COLQ: variants seen among roughly 807,000 people sequenced by gnomAD.
The protein encoded by COLQ is acetylcholinesterase collagenic tail peptide.
COLQ carries 48 observed loss-of-function variants against 69.0 expected under a neutral mutation model. The observed-to-expected ratio is 0.70, with a 90% CI of 0.55 to 0.88. COLQ has a LOEUF of 0.88. COLQ is among the 40% of genes least tolerant of loss of function. The pLI is 0.00. For missense variants in COLQ, 618 were observed against 594.6 expected, an observed-to-expected ratio of 1.04 and a Z score of -0.41; for synonymous variants, 217 against 211.2, an observed-to-expected ratio of 1.03 and a Z score of -0.24.
At chr3:15,468,199 T>C (rs1407053306) in intron 11 of COLQ, among the ~76,000 whole-genome samples, 3 of 152,168 alleles carry the variant, frequency 2.0e-5, no homozygotes, top group Non-Finnish European at 4.4e-5. Context: ...TCGCTCAGAA[T>C]GAGCCACGTC....
intron 1 of COLQ, chr3:15,498,899 C>T (rs2062791728): frequency 7.6e-7 from 1 of 1,315,756 alleles, no homozygotes; most frequent in African/African-American, 1.5e-5. Context: ...GGATACTTAT[C>T]CCCCTGCAAG....
In COLQ at chr3:15,498,524, C is replaced by A; in HGVS notation, c.107-8887G>T. On this transcript the variant is annotated intron_variant, in intron 1 of 16. Coordinates refer to ENST00000383788, the MANE Select transcript of COLQ (RefSeq NM_005677.4). ...ACACACAACTCACCCAAGCAGCCTGCCGAGTAACAGAGCAGTCCTGAAATG... is the reference window on the plus strand; with the variant it reads ...ACACACAACTCACCCAAGCAGCCTGACGAGTAACAGAGCAGTCCTGAAATG... 3 of 1,551,750 alleles carry A rather than the reference C, an allele frequency of 1.9e-6. No homozygotes were observed. In the South Asian group the frequency reaches 3.6e-5, roughly 18 times the overall value.
At chr3:15,471,431 T>C (rs984694117) in intron 10 of COLQ, among the ~76,000 whole-genome samples, 1 of 152,228 alleles carries the variant, frequency 6.6e-6, no homozygotes, top group African/African-American at 2.4e-5. Context: ...CATTTTCTTC[T>C]ACATGGATTC....
chr3:15,472,214 G>C (rs2062300305), intron 10 of COLQ, among the ~76,000 whole-genome samples: 1 of 152,164 alleles, frequency 6.6e-6, no homozygotes, highest in South Asian at 2.1e-4. Context: ...ATTATTCTTT[G>C]ACGTTCACTG....
In COLQ at chr3:15,473,857, T is replaced by G; in HGVS notation, c.636+143A>C. On this transcript the variant is annotated intron_variant, in intron 10 of 16. Transcript: ENST00000383788. This position sits in a 1 kb window ranked among gnomAD's most constrained non-coding sequence, Gnocchi z 4.0. Reference sequence around the variant, plus strand: ...CCTCTCCCCAGGGTGAAAAGCAACTTGCTTCCCGTCCCAAAATAGAAGTTT... The same window carrying G: ...CCTCTCCCCAGGGTGAAAAGCAACTGGCTTCCCGTCCCAAAATAGAAGTTT... The G allele has an allele frequency of 1.1e-6, 1 of 926,660 alleles. No individual in the cohort carries two copies. The highest frequency in any genetic ancestry group is 1.4e-5 in the South Asian group (1 of 70,116). The allele number at this position is 926,660 out of a possible 1,614,324, so 57.4% of individuals were successfully genotyped here. A position where few individuals can be genotyped will look rare whatever the true frequency, so the allele number is the denominator to read the frequency against.
At chr3:15,468,200 G>A (rs2062228966) in intron 11 of COLQ, among the ~76,000 whole-genome samples, 2 of 152,040 alleles carry the variant, frequency 1.3e-5, no homozygotes, top group Admixed American at 1.3e-4. Context: ...CGCTCAGAAT[G>A]AGCCACGTCT....
At chr3:15,472,704 TC>T (rs142584205) in intron 10 of COLQ, among the ~76,000 whole-genome samples, 4,353 of 152,318 alleles carry the variant, frequency 0.029, 83 homozygotes, top group Middle Eastern at 0.051. Context: ...TTGTTCTTCT[TC>T]CCCAACCCTA....
At chr3:15,469,971 G>A (rs2062255487) in intron 11 of COLQ, among the ~76,000 whole-genome samples, 1 of 152,196 alleles carries the variant, frequency 6.6e-6, no homozygotes, top group Non-Finnish European at 1.5e-5. Context: ...TGTCTCTAGA[G>A]CAGTCATGTC....
At chr3:15,472,876 T>TC (rs1183484392) in intron 10 of COLQ, among the ~76,000 whole-genome samples, 2 of 152,152 alleles carry the variant, frequency 1.3e-5, no homozygotes, top group African/African-American at 4.8e-5. Flanking sequence ...TTCTTTTTTT[T>TC]CAGAGACATG....
chr3:15,504,411 C>T (rs2062875221), intron 1 of COLQ, among the ~76,000 whole-genome samples: 1 of 152,182 alleles, frequency 6.6e-6, no homozygotes, highest in Admixed American at 6.5e-5. Flanking sequence ...CTTGCCATGT[C>T]CTCACATGGC....
chr3:15,458,123 C>T (rs2062050283), intron 13 of COLQ, 63 bp downstream of exon 13: 1 of 1,579,188 alleles, frequency 6.3e-7, no homozygotes, highest in South Asian at 1.1e-5. Context: ...TACAAAGCCC[C>T]ATAAGGATCA....
At chr3:15,462,328 C>G (rs1194893540) in intron 12 of COLQ, among the ~76,000 whole-genome samples, 1 of 152,186 alleles carries the variant, frequency 6.6e-6, no homozygotes, top group Non-Finnish European at 1.5e-5. Context: ...CCGCGCCCGG[C>G]TGAATATCTC....
intron 1 of COLQ, among the ~76,000 whole-genome samples, chr3:15,509,465 C>A (rs1051271337): frequency 6.6e-6 from 1 of 152,206 alleles, no homozygotes; most frequent in Non-Finnish European, 1.5e-5. Context: ...GAAGCTTTCT[C>A]CTTCACAGCC....
intron 10 of COLQ, among the ~76,000 whole-genome samples, chr3:15,471,993 G>C (rs1212632037): frequency 6.7e-6 from 1 of 148,382 alleles, no homozygotes; most frequent in Non-Finnish European, 1.5e-5. Context: ...TTCAGGGATT[G>C]TCAGAAGGAA....
chr3:15,489,355 C>T (rs2062625504), intron 2 of COLQ, among the ~76,000 whole-genome samples, 170 bp downstream of exon 2: 1 of 152,226 alleles, frequency 6.6e-6, no homozygotes, highest in African/African-American at 2.4e-5. Context: ...ACCCCAGGAA[C>T]TGCAAAATGT....
Position 15,514,690 on chromosome 3 carries a change from G to C in COLQ, c.106+6830C>G, listed in dbSNP as rs539191987. 2.6e-5 allele frequency among the ~76,000 whole-genome samples: 4 copies of C among 152,320 alleles called. No homozygotes were observed. The South Asian group carries it at 8.3e-4, about 32-fold the overall frequency. On this transcript the variant is annotated intron_variant, in intron 1 of 16. Coordinates refer to ENST00000383788, the MANE Select transcript of COLQ (RefSeq NM_005677.4). ...TTTGGGATTCTAGGCAGATGCAGAA[G>C]AAGGGGAAGGCAGAGGCCAAGCCAG... is the stretch of plus-strand genomic sequence containing the variant.
At chr3:15,514,337 C>T (rs2063027394) in intron 1 of COLQ, among the ~76,000 whole-genome samples, 1 of 151,866 alleles carries the variant, frequency 6.6e-6, no homozygotes, top group Non-Finnish European at 1.5e-5. Flanking sequence ...TCTTGGGCCT[C>T]ACATTAGAAG....
At chr3:15,520,823 C>A (rs367917544) in intron 1 of COLQ, among the ~76,000 whole-genome samples, 1 of 152,182 alleles carries the variant, frequency 6.6e-6, no homozygotes, top group African/African-American at 2.4e-5. Flanking sequence ...AGCCTCATAC[C>A]CGGCAGACAC....
At chr3:15,465,914 T>C (rs1180259145) in intron 12 of COLQ, among the ~76,000 whole-genome samples, 4 of 152,172 alleles carry the variant, frequency 2.6e-5, no homozygotes. Flanking sequence ...CCTCTTTCTC[T>C]AGCTATTGCA....
Sources: allele counts gnomAD v4.1 joint callset (sites outside exome capture counted in the v4.1 genomes callset), GRCh38; gene constraint gnomAD v4.1.1; non-coding constraint Gnocchi (gnomAD v3.1); transcripts MANE v1.5; gene names NCBI Gene and HGNC (gene_info 2026-07-23, HGNC 2026-07-21).